Variants in DLG2 observed in about 807,000 individuals in gnomAD.
DLG2 encodes the protein disks large homolog 2.
A neutral mutation model predicts 132.5 loss-of-function variants in DLG2; 45 were observed. That is an observed-to-expected ratio of 0.34 (90% CI 0.27 to 0.44). The LOEUF is 0.44. Among genes scored for constraint, DLG2 ranks in the 20% least tolerant of loss-of-function variants. The probability of loss-of-function intolerance (pLI) is 1.00; values close to 1 mark genes in which losing one functional copy is unlikely to be tolerated. For synonymous variants in DLG2, 424 were observed against 419.6 expected (o/e 1.01, Z -0.13); for missense variants, 1,045 against 1,196.9 (o/e 0.87, Z 1.87).
intron 7 of DLG2, among the ~76,000 whole-genome samples, chr11:84,473,516 A>T (rs987703845): frequency 6.6e-6 from 1 of 152,046 alleles, no homozygotes; most frequent in East Asian, 1.9e-4. Flanking sequence ...TATACAATAA[A>T]TGGGTATTGC....
At chr11:83,588,226 A>G (rs868072058) in intron 19 of DLG2, among the ~76,000 whole-genome samples, 8 of 151,574 alleles carry the variant, frequency 5.3e-5, no homozygotes, top group Middle Eastern at 6.8e-3. Context: ...GCAGACTTAA[A>G]TGTCCCTGTC....
chr11:85,317,767 G>T (rs562574916), intron 3 of DLG2, among the ~76,000 whole-genome samples: 1 of 151,846 alleles, frequency 6.6e-6, no homozygotes, highest in Non-Finnish European at 1.5e-5. Context: ...GAGGATGAAG[G>T]GTAGGAGGAG....
intron 7 of DLG2, among the ~76,000 whole-genome samples, chr11:84,421,285 G>A (rs2098949969): frequency 1.3e-5 from 2 of 152,272 alleles, no homozygotes; most frequent in Admixed American, 6.5e-5. Context: ...TGTTACAGCA[G>A]CCCAAACTGA....
intron 7 of DLG2, among the ~76,000 whole-genome samples, chr11:84,449,777 A>G (rs1480186474): frequency 1.3e-5 from 2 of 151,820 alleles, no homozygotes; most frequent in Admixed American, 1.3e-4. Context: ...ACTTATTGCC[A>G]TCCGAATAAA....
intron 9 of DLG2, among the ~76,000 whole-genome samples, chr11:84,112,256 C>A (rs2093392278): frequency 6.6e-6 from 1 of 151,808 alleles, no homozygotes; most frequent in Admixed American, 6.6e-5. Context: ...CCTCGGCCTC[C>A]CCAAGTACTG....
At chr11:84,285,324 C>T (rs2097898527) in intron 7 of DLG2, among the ~76,000 whole-genome samples, 1 of 152,172 alleles carries the variant, frequency 6.6e-6, no homozygotes, top group Non-Finnish European at 1.5e-5. Flanking sequence ...ACCACTTCAT[C>T]AAGACCCTCT....
chr11:84,982,190 T>C (rs1274238894), intron 6 of DLG2, among the ~76,000 whole-genome samples: 2 of 149,266 alleles, frequency 1.3e-5, no homozygotes, highest in Non-Finnish European at 3.0e-5. Flanking sequence ...TTCATAAATC[T>C]ATATAATTCT....
In DLG2 at chr11:85,405,518, T is replaced by C. The variant is rs201846471; in HGVS notation, c.41-120153A>G. 2.6e-5 allele frequency among the ~76,000 whole-genome samples: 4 copies of C among 152,016 alleles called. No homozygotes were observed. The East Asian group carries it at 7.7e-4, about 29-fold the overall frequency. On this transcript the variant is annotated intron_variant, in intron 3 of 27. Coordinates refer to ENST00000376104, the MANE Select transcript of DLG2 (RefSeq NM_001142699.3). ...AGCACACACATGTATTTTCTGTGTA[T>C]ATTTAAAAACAGTTAATGTGCACTG...
intron 6 of DLG2, among the ~76,000 whole-genome samples, chr11:85,088,195 A>G (rs1224488897): frequency 6.6e-6 from 1 of 152,196 alleles, no homozygotes; most frequent in African/African-American, 2.4e-5. Flanking sequence ...AAAAAAAGTC[A>G]TTAAAAGAAA....
chr11:84,922,853 G>C (rs2092821025), intron 6 of DLG2, among the ~76,000 whole-genome samples: 1 of 143,696 alleles, frequency 7.0e-6, no homozygotes, highest in Non-Finnish European at 1.5e-5. Flanking sequence ...GCGTGAACCT[G>C]AATTACAAAC....
intron 18 of DLG2, among the ~76,000 whole-genome samples, chr11:83,734,195 G>C (rs1043969185): frequency 4.0e-5 from 6 of 151,646 alleles, no homozygotes; most frequent in Non-Finnish European, 8.8e-5. Context: ...CCAATCATTT[G>C]TTGCCCACAC....
In DLG2 at chr11:83,616,500, G is replaced by GTT. The variant is rs34592902; in HGVS notation, c.1940+16709_1940+16710dup. 1.7e-3 allele frequency among the ~76,000 whole-genome samples: 260 copies of GTT among 149,860 alleles called. 3 individuals are homozygous for GTT. Among genetic ancestry groups the GTT allele is most frequent in the South Asian group, 0.011 (52 of 4,720 alleles). ...AGTCTTTTGTCCATTAAAAAAAAAT[G>GTT]TTTTTTTTTTCTCAAAGACTTGTAG... is the stretch of plus-strand genomic sequence containing the variant. On this transcript the variant is annotated intron_variant, in intron 19 of 27. Transcript: ENST00000376104.
chr11:85,165,163 C>A (rs946236409), intron 4 of DLG2, among the ~76,000 whole-genome samples: 1 of 152,112 alleles, frequency 6.6e-6, no homozygotes. Context: ...AAAATTAATG[C>A]CTGTCTAACA....
chr11:84,040,643 G>A (rs1379287339), intron 11 of DLG2, among the ~76,000 whole-genome samples: 1 of 151,374 alleles, frequency 6.6e-6, no homozygotes, highest in East Asian at 1.9e-4. Flanking sequence ...ATAGTTTGAA[G>A]TCAGGTAGTG....
intron 21 of DLG2, among the ~76,000 whole-genome samples, chr11:83,504,953 A>G (rs1371460684): frequency 1.4e-5 from 2 of 143,378 alleles, no homozygotes; most frequent in Non-Finnish European, 3.1e-5. Flanking sequence ...GAACATAGTA[A>G]GACCAGTGAA....
At position 84,597,259 on chromosome 11, in the gene DLG2, C is replaced by T. The variant is rs147685743; in HGVS notation, c.358-62528G>A. On this transcript the variant is annotated intron_variant, in intron 6 of 27. Transcript: ENST00000376104. ...GAAAAAAAAATGAATGAATCTCTTA[C>T]GCTTATGGAGCTTTAGAGTCTAACT... Among the ~76,000 whole-genome samples, 7 of 152,176 alleles carry T rather than the reference C, an allele frequency of 4.6e-5. No individual in the cohort carries two copies. The East Asian group carries it at 5.8e-4, about 13-fold the overall frequency.
chr11:85,620,655 G>A, intron 2 of DLG2, among the ~76,000 whole-genome samples: 1 of 152,224 alleles, frequency 6.6e-6, no homozygotes, highest in Non-Finnish European at 1.5e-5. Flanking sequence ...GATCAAACCA[G>A]CTGTAATTCC....
intron 18 of DLG2, among the ~76,000 whole-genome samples, chr11:83,681,298 T>C (rs1386009761): frequency 1.3e-5 from 2 of 152,144 alleles, no homozygotes; most frequent in Admixed American, 1.3e-4. Context: ...TGACTTCCTA[T>C]AGTTAGCTGA....
chr11:85,027,173 C>CTTT (rs10571202), intron 6 of DLG2, among the ~76,000 whole-genome samples: 11 of 69,366 alleles, frequency 1.6e-4, no homozygotes, highest in Non-Finnish European at 2.3e-4. Context: ...AGTGTGGTCT[C>CTTT]TTTTTTTTTT....
Sources: gnomAD v4.1 joint callset for allele counts (sites outside exome capture counted in the v4.1 genomes callset) on GRCh38, gnomAD v4.1.1 for gene constraint, MANE v1.5 for transcripts, NCBI Gene and HGNC (gene_info 2026-07-23, HGNC 2026-07-21) for gene names.